Variants in FERMT2 observed in about 807,000 individuals in gnomAD.
The protein encoded by FERMT2 is fermitin family homolog 2.
FERMT2 carries 15 observed loss-of-function variants against 82.7 expected under a neutral mutation model. That is an observed-to-expected ratio of 0.18 (90% CI 0.12 to 0.28). FERMT2 has a LOEUF of 0.28. Among genes scored for constraint, FERMT2 ranks in the 10% least tolerant of loss-of-function variants. The probability of loss-of-function intolerance (pLI) is 1.00; values close to 1 mark genes in which losing one functional copy is unlikely to be tolerated. For synonymous variants in FERMT2, 274 were observed against 271.5 expected (o/e 1.01, Z -0.09); for missense variants, 645 against 809.4 (o/e 0.80, Z 2.46).
intron 2 of FERMT2, among the ~76,000 whole-genome samples, chr14:52,927,590 T>TAAAAAAAAAAAAAA (rs1566755584): frequency 4.2e-4 from 5 of 11,808 alleles, no homozygotes; most frequent in African/African-American, 1.3e-3. Flanking sequence ...ACCTCATCCC[T>TAAAAAAAAAAAAAA]ATAAAAAAAA....
chr14:52,942,107 T>C (rs368751837), intron 2 of FERMT2, among the ~76,000 whole-genome samples: 6 of 152,250 alleles, frequency 3.9e-5, no homozygotes, highest in African/African-American at 1.4e-4. Context: ...TTAAATATAC[T>C]AGATTATATT....
At chr14:52,877,605 C>T (rs1255067002) in intron 7 of FERMT2, among the ~76,000 whole-genome samples, 1 of 35,104 alleles carries the variant, frequency 2.8e-5, no homozygotes, top group African/African-American at 1.2e-4. Context: ...TTTTGCTAAC[C>T]TCACTCCCCA....
At chr14:52,931,043 A>C (rs28475273) in intron 2 of FERMT2, among the ~76,000 whole-genome samples, 48 of 152,232 alleles carry the variant, frequency 3.2e-4, no homozygotes, top group African/African-American at 1.1e-3. Flanking sequence ...TGATCTCTTT[A>C]GTCACTCAGA....
chr14:52,920,403 G>T (rs957550221), intron 2 of FERMT2, among the ~76,000 whole-genome samples: 1 of 152,178 alleles, frequency 6.6e-6, no homozygotes, highest in African/African-American at 2.4e-5. Context: ...GGCTGAGGCT[G>T]GAGGATCGCT....
chr14:52,890,554 CTATA>C (rs964054108), intron 4 of FERMT2, among the ~76,000 whole-genome samples: 139 of 151,354 alleles, frequency 9.2e-4, no homozygotes, highest in African/African-American at 3.2e-3. Flanking sequence ...CAGCACATGA[CTATA>C]TATATTTCTT....
At chr14:52,880,468 G>A (rs532516666) in intron 6 of FERMT2, among the ~76,000 whole-genome samples, 4 of 152,112 alleles carry the variant, frequency 2.6e-5, no homozygotes, top group East Asian at 1.9e-4. Context: ...GCATGATCTC[G>A]GCTCACTGCA....
intron 3 of FERMT2, among the ~76,000 whole-genome samples, chr14:52,900,946 T>G (rs1189576495): frequency 6.6e-6 from 1 of 151,780 alleles, no homozygotes; most frequent in Admixed American, 6.6e-5. Flanking sequence ...CCACCCAATA[T>G]AGAGCTTCCT....
chr14:52,939,488 T>G (rs779677450), intron 2 of FERMT2, among the ~76,000 whole-genome samples: 1 of 152,028 alleles, frequency 6.6e-6, no homozygotes, highest in Non-Finnish European at 1.5e-5. Flanking sequence ...CTACAAACAC[T>G]AAAATAGCTG....
At chr14:52,941,583 T>C (rs1890094135) in intron 2 of FERMT2, among the ~76,000 whole-genome samples, 1 of 152,210 alleles carries the variant, frequency 6.6e-6, no homozygotes. Context: ...AAAAGAATTA[T>C]TTAAAAATAC....
At chr14:52,917,024 T>G (rs112974618) in intron 3 of FERMT2, among the ~76,000 whole-genome samples, 2 of 151,254 alleles carry the variant, frequency 1.3e-5, no homozygotes, top group Admixed American at 6.6e-5. Flanking sequence ...CAAGTGTTAG[T>G]GAGGATTTGT....
Position 52,922,332 on chromosome 14 carries a change from C to A in FERMT2, c.158-2976G>T, listed in dbSNP as rs1374626837. ...AGCATGGGGCTGGCTGCCCTGCACT[C>A]AGGCAGAGCAAGCTCAGAGATCCCT... On this transcript the variant is annotated intron_variant, in intron 2 of 14. Coordinates refer to ENST00000341590, the MANE Select transcript of FERMT2 (RefSeq NM_006832.3). Among the ~76,000 whole-genome samples the A allele has an allele frequency of 2.0e-5, 3 of 152,164 alleles. No individual in the cohort carries two copies. The East Asian group carries it at 5.8e-4, about 29-fold the overall frequency.
At chr14:52,934,316 G>C (rs750875588) in intron 2 of FERMT2, among the ~76,000 whole-genome samples, 5 of 152,172 alleles carry the variant, frequency 3.3e-5, no homozygotes, top group Admixed American at 6.5e-5. Flanking sequence ...AGCAAAACTA[G>C]TGTTTATTTA....
At chr14:52,934,667 A>AT (rs1442204352) in intron 2 of FERMT2, among the ~76,000 whole-genome samples, 6 of 152,200 alleles carry the variant, frequency 3.9e-5, no homozygotes, top group African/African-American at 1.4e-4. Flanking sequence ...CTTTGGCTGT[A>AT]TATCTATAGT....
At chr14:52,922,010 C>A (rs1198424206) in intron 2 of FERMT2, among the ~76,000 whole-genome samples, 4 of 152,072 alleles carry the variant, frequency 2.6e-5, no homozygotes, top group Non-Finnish European at 5.9e-5. Context: ...ATGAGTCCAC[C>A]AGCACATGTC....
chr14:52,858,182 A>G lies in FERMT2; in HGVS notation c.*195T>C, dbSNP rs1594918601. On this transcript the variant is annotated 3_prime_UTR_variant, in exon 15 of 15. Coordinates refer to ENST00000341590, the MANE Select transcript of FERMT2 (RefSeq NM_006832.3). ...CCCTAAGGAATGTGTGACAAATTCAAGTTTATTATATCATAACATGATAGA... is the reference window on the plus strand; with the variant it reads ...CCCTAAGGAATGTGTGACAAATTCAGGTTTATTATATCATAACATGATAGA... The G allele has an allele frequency of 1.9e-6, 1 of 521,224 alleles. No homozygotes were observed. Among genetic ancestry groups the G allele is most frequent in the East Asian group, 3.0e-5 (1 of 33,644 alleles). 32.3% of individuals were successfully genotyped at this position (521,224 alleles called of 1,614,324 possible).
At chr14:52,868,621 T>C (rs1885432219) in intron 10 of FERMT2, among the ~76,000 whole-genome samples, 1 of 152,174 alleles carries the variant, frequency 6.6e-6, no homozygotes, top group South Asian at 2.1e-4. Flanking sequence ...TATGAAGCCT[T>C]GGCATCCAGT....
intron 6 of FERMT2, 82 bp downstream of exon 6, chr14:52,880,954 C>T: frequency 7.3e-6 from 6 of 821,532 alleles, no homozygotes; most frequent in South Asian, 5.6e-5. Flanking sequence ...TTCCTTATTC[C>T]ACCGACTTCC....
At chr14:52,940,253 C>T (rs1011858192) in intron 2 of FERMT2, among the ~76,000 whole-genome samples, 1 of 145,898 alleles carries the variant, frequency 6.9e-6, no homozygotes, top group Admixed American at 7.5e-5. Context: ...AGTCTGAAAC[C>T]TGAAACCTGA....
At chr14:52,866,035 T>C (rs1885260006) in intron 10 of FERMT2, among the ~76,000 whole-genome samples, 2 of 152,186 alleles carry the variant, frequency 1.3e-5, no homozygotes, top group South Asian at 2.1e-4. Flanking sequence ...GTTGAAACAG[T>C]TGTTTGAAAG....
Sources: allele counts gnomAD v4.1 joint callset (sites outside exome capture counted in the v4.1 genomes callset), GRCh38; gene constraint gnomAD v4.1.1; transcripts MANE v1.5; gene names NCBI Gene and HGNC (gene_info 2026-07-23, HGNC 2026-07-21).